The following SMC5 variants were observed in gnomAD, a reference collection of about 807,000 sequenced individuals.
SMC5 encodes structural maintenance of chromosomes protein 5.
Under a neutral mutation model 148.3 loss-of-function variants are expected in SMC5, and 88 were observed. The observed-to-expected ratio is 0.59, with a 90% CI of 0.50 to 0.71. SMC5 has a LOEUF of 0.71. Ranked by LOEUF, SMC5 falls within the 30% of genes least tolerant of loss-of-function variation. The pLI is 0.00. For missense variants in SMC5, 1,142 were observed against 1,298.9 expected, an observed-to-expected ratio of 0.88 and a Z score of 1.86; for synonymous variants, 421 against 432.8, an observed-to-expected ratio of 0.97 and a Z score of 0.34.
chr9:70,328,443 A>C (rs1251317766), intron 17 of SMC5, among the ~76,000 whole-genome samples: 1 of 152,220 alleles, frequency 6.6e-6, no homozygotes, highest in African/African-American at 2.4e-5. Flanking sequence ...TACAGGCCCC[A>C]CACATGTCTG....
rs936457386 is a variant in SMC5, at chr9:70,350,490, A to G, written c.3165+19A>G. 7 of 1,526,188 alleles carry G rather than the reference A, an allele frequency of 4.6e-6. No homozygotes were observed. Among genetic ancestry groups the G allele is most frequent in the Middle Eastern group, 1.7e-4 (1 of 5,780 alleles). 94.5% of individuals were successfully genotyped at this position (1,526,188 alleles called of 1,614,324 possible). On this transcript the variant is annotated intron_variant, in intron 24 of 24. Transcript: ENST00000361138. ...ACCAAAGGTAGGTAAAAAGTAACCT[A>G]AAAGTGGTCATATACTCAGAAATCT...
rs1368228326 is a variant in SMC5, at chr9:70,324,013, G to A, written c.2275-8G>A. On this transcript the variant is annotated splice_region_variant and splice_polypyrimidine_tract_variant and intron_variant, in intron 16 of 24. Transcript: ENST00000361138. ...TAAAAATTAACTCTTAGGGGTTTTT[G>A]TTCCTAGATTTGTACTTCTTTGCAT... The A allele has an allele frequency of 5.2e-6, 8 of 1,539,278 alleles. No individual in the cohort carries two copies. Among genetic ancestry groups the A allele is most frequent in the African/African-American group, 2.8e-5 (2 of 71,004 alleles).
At chr9:70,297,864 C>G in intron 8 of SMC5, 102 bp from the exon 9 acceptor site, 3 of 1,318,574 alleles carry the variant, frequency 2.3e-6, no homozygotes, top group Non-Finnish European at 3.1e-6. Context: ...GAGGAAAACA[C>G]CTATGTTAGA....
chr9:70,323,960 A>G, intron 16 of SMC5, 61 bp from the exon 17 acceptor site: 1 of 1,380,978 alleles, frequency 7.2e-7, no homozygotes, highest in Non-Finnish European at 9.7e-7. Flanking sequence ...AAAACTATAC[A>G]TTTTTTAGTT....
chr9:70,268,328 C>G (rs942837946), intron 3 of SMC5, among the ~76,000 whole-genome samples: 3 of 151,988 alleles, frequency 2.0e-5, no homozygotes. Context: ...TGCCTGTAAT[C>G]CCAGCTACTG....
chr9:70,344,118 A>G lies in SMC5; in HGVS notation c.2398-26A>G, dbSNP rs115566596. 4.9e-5 allele frequency: 70 copies of G among 1,415,132 alleles called. No individual in the cohort carries two copies. In the African/African-American group the frequency reaches 9.8e-4, roughly 20 times the overall value. The allele number at this position is 1,415,132 out of a possible 1,614,324, so 87.7% of individuals were successfully genotyped here. On this transcript the variant is annotated intron_variant, in intron 17 of 24. Transcript: ENST00000361138. ...CCTCTGCTTTAACATTAACATTCAA[A>G]TTTTCAAAATAAATTTTTTTAATAG... is the stretch of plus-strand genomic sequence containing the variant.
chr9:70,294,331 G>A lies in SMC5; in HGVS notation c.1054-3635G>A, dbSNP rs534847374. Among the ~76,000 whole-genome samples the A allele has an allele frequency of 8.5e-5, 13 of 152,312 alleles. No individual in the cohort carries two copies. In the South Asian group the frequency reaches 2.5e-3, roughly 29 times the overall value. On this transcript the variant is annotated intron_variant, in intron 8 of 24. Transcript: ENST00000361138. ...TGCCTGTTTAAGTTTTGTGGCCATA[G>A]ATTTAAAGTGAGACCAGTTTTTGAG...
chr9:70,265,231 C>T (rs892916950), intron 2 of SMC5, among the ~76,000 whole-genome samples: 1 of 152,066 alleles, frequency 6.6e-6, no homozygotes, highest in Non-Finnish European at 1.5e-5. Flanking sequence ...AATCCCAGCA[C>T]TTTGGGAGGC....
intron 9 of SMC5, among the ~76,000 whole-genome samples, chr9:70,299,518 A>C (rs911931083): frequency 6.6e-6 from 1 of 151,886 alleles, no homozygotes; most frequent in African/African-American, 2.4e-5. Flanking sequence ...TTATAAACCT[A>C]TTCCTGAATT....
chr9:70,318,407 T>G, intron 13 of SMC5, 107 bp from the exon 14 acceptor site: 5 of 919,470 alleles, frequency 5.4e-6, no homozygotes, highest in Non-Finnish European at 7.8e-6. Context: ...AATGTATATC[T>G]CGTATATTTT....
intron 3 of SMC5, among the ~76,000 whole-genome samples, chr9:70,271,051 C>T (rs932261584): frequency 1.3e-5 from 2 of 150,384 alleles, no homozygotes; most frequent in Admixed American, 6.7e-5. Flanking sequence ...TTGCATTATA[C>T]TTATCGGTTC....
intron 10 of SMC5, among the ~76,000 whole-genome samples, chr9:70,302,408 G>A (rs1168035596): frequency 4.6e-5 from 7 of 151,940 alleles, no homozygotes; most frequent in Non-Finnish European, 7.4e-5. Context: ...CAGGAGAATC[G>A]CTTGAGCCAA....
At chr9:70,323,690 T>C in intron 16 of SMC5, 84 bp downstream of exon 16, 195 of 1,151,330 alleles carry the variant, frequency 1.7e-4, no homozygotes, top group East Asian at 2.2e-4. Flanking sequence ...GGAGGGAAGG[T>C]TTTGATTAAG....
intron 16 of SMC5, 103 bp downstream of exon 16, chr9:70,323,709 C>T (rs553913763): frequency 7.0e-6 from 9 of 1,288,142 alleles, no homozygotes; most frequent in African/African-American, 1.5e-5. Flanking sequence ...AGGTTTTTGA[C>T]ATTTTAGTTA....
intron 17 of SMC5, among the ~76,000 whole-genome samples, chr9:70,330,534 C>A (rs1455552007): frequency 6.7e-6 from 1 of 148,630 alleles, no homozygotes; most frequent in Non-Finnish European, 1.5e-5. Context: ...AGTGTAAGCT[C>A]TACATGTAAC....
At chr9:70,274,227 G>T (rs1051261764) in intron 3 of SMC5, among the ~76,000 whole-genome samples, 1 of 152,112 alleles carries the variant, frequency 6.6e-6, no homozygotes, top group African/African-American at 2.4e-5. Flanking sequence ...GATTACAGGC[G>T]CCCGACACTA....
chr9:70,297,084 CAG>C (rs1239013046), intron 8 of SMC5, among the ~76,000 whole-genome samples: 1 of 152,142 alleles, frequency 6.6e-6, no homozygotes, highest in Non-Finnish European at 1.5e-5. Flanking sequence ...GTTTGGATTT[CAG>C]AGTTTTTCAG....
intron 8 of SMC5, 46 bp from the exon 9 acceptor site, chr9:70,297,920 C>T (rs758663183): frequency 1.9e-6 from 3 of 1,569,686 alleles, no homozygotes; most frequent in Non-Finnish European, 2.6e-6. Context: ...TCTTATAAAC[C>T]AAGAGGAAAA....
At chr9:70,306,526 C>T (rs2035502922) in intron 11 of SMC5, among the ~76,000 whole-genome samples, 1 of 152,188 alleles carries the variant, frequency 6.6e-6, no homozygotes, top group African/African-American at 2.4e-5. Flanking sequence ...ATTTATTGAT[C>T]TGATGAAAGA....
Sources: allele counts gnomAD v4.1 joint callset (sites outside exome capture counted in the v4.1 genomes callset), GRCh38; gene constraint gnomAD v4.1.1; transcripts MANE v1.5; gene names NCBI Gene and HGNC (gene_info 2026-07-23, HGNC 2026-07-21).